The following GNG4 variants were observed in gnomAD, a reference collection of about 807,000 sequenced individuals.
GNG4 encodes the protein guanine nucleotide-binding protein G(I)/G(S)/G(O) subunit gamma-4.
A neutral mutation model predicts 5.8 loss-of-function variants in GNG4; 4 were observed. The observed-to-expected ratio is 0.69, with a 90% CI of 0.34 to 1.57. The LOEUF (loss-of-function observed/expected upper bound fraction) is 1.57, where lower values mean the gene tolerates loss of function less well. Among genes scored for constraint, GNG4 ranks in the 40% most tolerant of loss-of-function variants. The probability of loss-of-function intolerance (pLI) is 0.06; values close to 1 mark genes in which losing one functional copy is unlikely to be tolerated. For synonymous variants in GNG4, 29 were observed against 32.9 expected, an observed-to-expected ratio of 0.88 and a Z score of 0.41; for missense variants, 96 against 95.1, an observed-to-expected ratio of 1.01 and a Z score of -0.04.
At chr1:235,612,536 T>A (rs895850850) in intron 1 of GNG4, among the ~76,000 whole-genome samples, 1 of 151,920 alleles carries the variant, frequency 6.6e-6, no homozygotes, top group African/African-American at 2.4e-5. Context: ...ATTGGGTAGG[T>A]TTTTTGGAGA....
At chr1:235,619,527 C>T (rs971651984) in intron 1 of GNG4, among the ~76,000 whole-genome samples, 5 of 152,120 alleles carry the variant, frequency 3.3e-5, no homozygotes, top group Admixed American at 6.5e-5. Context: ...CTTATCTTGC[C>T]TGTTGACTTC....
At chr1:235,622,873 CAAAAA>C (rs59428350) in intron 1 of GNG4, among the ~76,000 whole-genome samples, 1 of 66,672 alleles carries the variant, frequency 1.5e-5, no homozygotes, top group Non-Finnish European at 2.5e-5. Context: ...GACTCCATCT[CAAAAA>C]AAAAAAAAAA....
At chr1:235,586,032 A>G (rs1687749948) in intron 2 of GNG4, among the ~76,000 whole-genome samples, 1 of 152,232 alleles carries the variant, frequency 6.6e-6, no homozygotes, top group Admixed American at 6.5e-5. Context: ...TTTTAATCAC[A>G]TATGAACTAA....
At chr1:235,556,611 G>A (rs943885845) in intron 3 of GNG4, among the ~76,000 whole-genome samples, 8 of 150,020 alleles carry the variant, frequency 5.3e-5, no homozygotes, top group Non-Finnish European at 1.0e-4. Context: ...AAGCTGTACT[G>A]TACTACAGCC....
At chr1:235,616,401 G>T (rs1558498191) in intron 1 of GNG4, 1 of 292,564 alleles carries the variant, frequency 3.4e-6, no homozygotes, top group Non-Finnish European at 6.7e-6. Flanking sequence ...ATTGGGTAGG[G>T]CCCTGCCAGG....
At chr1:235,585,222 C>T (rs1687730480) in intron 2 of GNG4, among the ~76,000 whole-genome samples, 1 of 151,122 alleles carries the variant, frequency 6.6e-6, no homozygotes, top group African/African-American at 2.4e-5. Context: ...CTTTCCTTTC[C>T]TTTCCTTCCC....
intron 3 of GNG4, among the ~76,000 whole-genome samples, chr1:235,558,354 A>G (rs1009996438): frequency 3.3e-5 from 5 of 152,220 alleles, no homozygotes; most frequent in Non-Finnish European, 5.9e-5. Context: ...GTCTTTTCAC[A>G]TAGCGTCCAG....
intron 1 of GNG4, among the ~76,000 whole-genome samples, chr1:235,601,817 C>G (rs1043661634): frequency 6.6e-6 from 1 of 152,156 alleles, no homozygotes; most frequent in Non-Finnish European, 1.5e-5. Context: ...GAGCTCTTTC[C>G]CATCACACGT....
intron 1 of GNG4, among the ~76,000 whole-genome samples, chr1:235,598,573 C>G (rs140449568): frequency 0.016 from 2,405 of 152,192 alleles, 28 homozygotes; most frequent in Non-Finnish European, 0.024. Context: ...CATGCTACTG[C>G]ACTCCAGCCT....
intron 1 of GNG4, among the ~76,000 whole-genome samples, chr1:235,608,782 G>C (rs1571911309): frequency 6.6e-6 from 1 of 151,090 alleles, no homozygotes; most frequent in East Asian, 1.9e-4. Context: ...CTCCCGAGTT[G>C]AAGTAATCCT....
At chr1:235,581,582 G>A (rs1395622246) in intron 3 of GNG4, among the ~76,000 whole-genome samples, 1 of 151,458 alleles carries the variant, frequency 6.6e-6, no homozygotes, top group Non-Finnish European at 1.5e-5. Flanking sequence ...TATGTAAGAT[G>A]TGCCTGCTTA....
intron 1 of GNG4, among the ~76,000 whole-genome samples, chr1:235,606,673 C>A (rs151062522): frequency 6.6e-6 from 1 of 152,136 alleles, no homozygotes. Flanking sequence ...AAGCACATGG[C>A]CAGCAGACAG....
At chr1:235,577,966 G>A (rs539055316) in intron 3 of GNG4, among the ~76,000 whole-genome samples, 1 of 152,164 alleles carries the variant, frequency 6.6e-6, no homozygotes, top group Non-Finnish European at 1.5e-5. Context: ...GGTCCTTGAC[G>A]AGGTCATCGG....
chr1:235,591,575 C>T (rs1303099509), intron 2 of GNG4, among the ~76,000 whole-genome samples: 1 of 152,222 alleles, frequency 6.6e-6, no homozygotes, highest in African/African-American at 2.4e-5. Flanking sequence ...TATGTACTTC[C>T]ATGGGGACTC....
intron 3 of GNG4, among the ~76,000 whole-genome samples, chr1:235,553,524 C>T (rs1686811333): frequency 6.6e-6 from 1 of 152,192 alleles, no homozygotes; most frequent in African/African-American, 2.4e-5. Context: ...ACAGGCCATA[C>T]ACATTCCCTT....
intron 2 of GNG4, among the ~76,000 whole-genome samples, chr1:235,585,844 T>G (rs1687746593): frequency 6.6e-6 from 1 of 152,242 alleles, no homozygotes; most frequent in African/African-American, 2.4e-5. Flanking sequence ...TGCATCAAGA[T>G]TCTTAAGTAA....
chr1:235,635,057 T>C (rs906195786), intron 1 of GNG4, among the ~76,000 whole-genome samples: 5 of 152,178 alleles, frequency 3.3e-5, no homozygotes, highest in African/African-American at 9.7e-5. Context: ...TACCAGAACA[T>C]GGCATTGTTA....
intron 1 of GNG4, among the ~76,000 whole-genome samples, chr1:235,617,228 C>G (rs529311434): frequency 6.6e-6 from 1 of 152,268 alleles, no homozygotes; most frequent in African/African-American, 2.4e-5. Context: ...AGAGAAGATG[C>G]AGGAATCCCT....
chr1:235,591,215 T>TC (rs756569062), intron 2 of GNG4, among the ~76,000 whole-genome samples: 189 of 152,278 alleles, frequency 1.2e-3, no homozygotes, highest in Middle Eastern at 6.8e-3. Flanking sequence ...CCGCCACTGC[T>TC]CCTGGCTCAT....
Sources: gnomAD v4.1 joint callset for allele counts (sites outside exome capture counted in the v4.1 genomes callset) on GRCh38, gnomAD v4.1.1 for gene constraint, MANE v1.5 for transcripts, NCBI Gene and HGNC (gene_info 2026-07-23, HGNC 2026-07-21) for gene names.